The following ARHGAP20 variants were observed in gnomAD, a reference collection of about 807,000 sequenced individuals.
ARHGAP20 encodes the protein Rho GTPase activating protein 20.
Under a neutral mutation model 73.7 loss-of-function variants are expected in ARHGAP20, and 34 were observed. That is an observed-to-expected ratio of 0.46 (90% confidence interval 0.35 to 0.61). ARHGAP20 has a LOEUF of 0.61. Among genes scored for constraint, ARHGAP20 ranks in the 20% least tolerant of loss-of-function variants. The pLI, the probability that ARHGAP20 is intolerant of heterozygous loss-of-function variation, is 0.00. For missense variants in ARHGAP20, 1,314 were observed against 1,420.9 expected (o/e 0.92, Z 1.21); for synonymous variants, 523 against 518.2 (o/e 1.01, Z -0.13).
chr11:110,664,727 C>CAAAAAA (rs34643863), intron 2 of ARHGAP20, among the ~76,000 whole-genome samples: 3 of 88,308 alleles, frequency 3.4e-5, no homozygotes, highest in Admixed American at 1.2e-4. Context: ...GACTCCGTCT[C>CAAAAAA]AAAAAAAAAA....
chr11:110,611,474 GGCAAATATTGATTTC>G (rs1339403439), intron 6 of ARHGAP20, 88 bp from the exon 7 acceptor site: 2 of 624,342 alleles, frequency 3.2e-6, no homozygotes, highest in Non-Finnish European at 5.1e-6. Flanking sequence ...ATTATCGAAA[GGCAAATATTGATTTC>G]AAATGTGGAC....
At chr11:110,642,458 T>A (rs1051153661) in intron 2 of ARHGAP20, among the ~76,000 whole-genome samples, 1 of 152,096 alleles carries the variant, frequency 6.6e-6, no homozygotes, top group African/African-American at 2.4e-5. Context: ...TGAGATATAT[T>A]CCTTTGATAC....
chr11:110,661,740 T>TAACACTGTTA (rs1949617079), intron 2 of ARHGAP20, among the ~76,000 whole-genome samples: 1 of 152,096 alleles, frequency 6.6e-6, no homozygotes, highest in Non-Finnish European at 1.5e-5. Context: ...ATATAACATA[T>TAACACTGTTA]TAAGACACTG....
rs764905525 is a variant in ARHGAP20, at chr11:110,583,747, G to A, written c.1416-10C>T. 2 of 1,531,606 alleles carry A rather than the reference G, an allele frequency of 1.3e-6. No individual in the cohort carries two copies. The highest frequency in any genetic ancestry group is 2.5e-5 in the South Asian group (2 of 79,128). The allele number at this position is 1,531,606 out of a possible 1,614,324, so 94.9% of individuals were successfully genotyped here. A position where few individuals can be genotyped will look rare whatever the true frequency, so the allele number is the denominator to read the frequency against. On this transcript the variant is annotated splice_polypyrimidine_tract_variant and intron_variant, in intron 12 of 14. Coordinates refer to ENST00000683387, the MANE Select transcript of ARHGAP20 (RefSeq NM_001384657.1). ...AAGCTGGTCTAATAGCCTAAAGACA[G>A]AAAAATTACTCTTTAAGCAAGACAT...
chr11:110,701,069 T>C (rs1046728836), intron 1 of ARHGAP20, among the ~76,000 whole-genome samples: 2 of 151,754 alleles, frequency 1.3e-5, no homozygotes, highest in Non-Finnish European at 2.9e-5. Flanking sequence ...TGTGTCTTTA[T>C]AGCAGCATGA....
rs200775539 is a variant in ARHGAP20, at chr11:110,630,616, T to C, written c.353+12A>G. ...TTTTATAATGATAATCAGGAGTATA[T>C]AGTATACATACTTGATTTTGGCCAC... On this transcript the variant is annotated intron_variant, in intron 3 of 14. Transcript: ENST00000683387. 246 of 1,613,160 alleles carry C rather than the reference T, an allele frequency of 1.5e-4. No homozygotes were observed. The African/African-American group carries it at 2.8e-3, about 19-fold the overall frequency.
Position 110,578,305 on chromosome 11 carries a change from C to T in ARHGAP20, c.*1065G>A, listed in dbSNP as rs1035161223. ...CTTTGTTGGGTATTCTATTGTGGGA[C>T]TCCTTATAACCGGCCAACCTCAATA... On this transcript the variant is annotated 3_prime_UTR_variant, in exon 15 of 15. Transcript: ENST00000683387. 4.1e-6 allele frequency: 4 copies of T among 985,308 alleles called. No homozygotes were observed. Among genetic ancestry groups the T allele is most frequent in the Admixed American group, 6.1e-5 (1 of 16,268 alleles). The allele number at this position is 985,308 out of a possible 1,614,324, so 61.0% of individuals were successfully genotyped here.
rs547175606 is a variant in ARHGAP20 at position 110,600,072 on chromosome 11, C to T, written c.964+6489G>A. 2.7e-4 allele frequency among the ~76,000 whole-genome samples: 41 copies of T among 152,364 alleles called. 1 individual carries two copies. The highest frequency in any genetic ancestry group is 8.9e-4 in the African/African-American group (37 of 41,586). ...TATATTGCTCAATAAAGCTCCTCTT[C>T]ATCTTGCTAACCCTTCACTTGTCTG... On this transcript the variant is annotated intron_variant, in intron 9 of 14. Coordinates refer to ENST00000683387, the MANE Select transcript of ARHGAP20 (RefSeq NM_001384657.1).
intron 2 of ARHGAP20, among the ~76,000 whole-genome samples, chr11:110,645,280 G>A (rs1405597115): frequency 6.6e-6 from 1 of 152,030 alleles, no homozygotes; most frequent in Non-Finnish European, 1.5e-5. Context: ...ACAGTGCTGG[G>A]ATTACAGACA....
intron 14 of ARHGAP20, 119 bp downstream of exon 14, chr11:110,582,202 G>A (rs1466836320): frequency 2.4e-6 from 2 of 827,072 alleles, no homozygotes; most frequent in Non-Finnish European, 4.1e-6. Context: ...CCATTGACCT[G>A]GATCAGAGGC....
intron 1 of ARHGAP20, 51 bp from the exon 2 acceptor site, chr11:110,690,680 C>T: frequency 2.6e-6 from 4 of 1,551,088 alleles, no homozygotes; most frequent in African/African-American, 1.4e-5. Flanking sequence ...TAAGGCAAGA[C>T]AATGTTGATT....
At chr11:110,711,953 C>A in intron 1 of ARHGAP20, 174 bp downstream of exon 1, 8 of 1,251,090 alleles carry the variant, frequency 6.4e-6, no homozygotes, top group Non-Finnish European at 8.0e-6. Flanking sequence ...GCGGCGCTGC[C>A]GCTGGCCGTC....
intron 2 of ARHGAP20, among the ~76,000 whole-genome samples, chr11:110,674,968 G>C (rs748782876): frequency 6.6e-6 from 1 of 152,114 alleles, no homozygotes; most frequent in Admixed American, 6.6e-5. Flanking sequence ...TGTACAGAAC[G>C]TGCAGTTTTG....
At chr11:110,689,824 T>C (rs1324279675) in intron 2 of ARHGAP20, among the ~76,000 whole-genome samples, 1 of 152,136 alleles carries the variant, frequency 6.6e-6, no homozygotes, top group East Asian at 1.9e-4. Context: ...TATGCCAACA[T>C]ACAAAATCCC....
At chr11:110,687,677 C>A (rs1950163174) in intron 2 of ARHGAP20, among the ~76,000 whole-genome samples, 1 of 151,914 alleles carries the variant, frequency 6.6e-6, no homozygotes, top group Non-Finnish European at 1.5e-5. Context: ...TTTTTATATC[C>A]TGAAATGAAA....
chr11:110,688,789 T>C (rs1950184431), intron 2 of ARHGAP20, among the ~76,000 whole-genome samples: 1 of 152,158 alleles, frequency 6.6e-6, no homozygotes. Flanking sequence ...TAAATTTTGA[T>C]TAGGCATCTA....
chr11:110,595,945 G>C (rs1947948045), intron 9 of ARHGAP20, among the ~76,000 whole-genome samples: 1 of 151,992 alleles, frequency 6.6e-6, no homozygotes, highest in African/African-American at 2.4e-5. Context: ...CCAAAACAGA[G>C]ATATAGATCA....
chr11:110,712,126 CCTT>C lies in ARHGAP20; in HGVS notation c.103_105del (p.Lys36del). 7.4e-7 allele frequency: 1 copy of C among 1,348,550 alleles called. No individual in the cohort carries two copies. The highest frequency in any genetic ancestry group is 9.6e-7 in the Non-Finnish European group (1 of 1,046,194). 83.5% of individuals were successfully genotyped at this position (1,348,550 alleles called of 1,614,324 possible). Reference sequence around the variant, plus strand: ...CACGGGCCCCCGCTCAGCGTCCTCACCTTCTTGGTGCAGCTGCCTCCCGCGAGC... The same window carrying C: ...CACGGGCCCCCGCTCAGCGTCCTCACCTTGGTGCAGCTGCCTCCCGCGAGC... On this transcript the variant is annotated inframe_deletion and splice_region_variant, in exon 1 of 15. Transcript: ENST00000683387.
At chr11:110,614,739 C>G in intron 5 of ARHGAP20, 94 bp from the exon 6 acceptor site, 1 of 801,222 alleles carries the variant, frequency 1.2e-6, no homozygotes, top group Non-Finnish European at 2.0e-6. Flanking sequence ...GCTAATATTT[C>G]CAATATACTT....
Sources: allele counts gnomAD v4.1 joint callset (sites outside exome capture counted in the v4.1 genomes callset), GRCh38; gene constraint gnomAD v4.1.1; transcripts MANE v1.5; gene names NCBI Gene and HGNC (gene_info 2026-07-23, HGNC 2026-07-21).